Variants in CCDC138 observed in about 807,000 individuals in gnomAD.
CCDC138 encodes the protein coiled-coil domain-containing protein 138.
CCDC138 carries 66 observed loss-of-function variants against 82.3 expected under a neutral mutation model. That is an observed-to-expected ratio of 0.80 (90% CI 0.66 to 0.98). The LOEUF (loss-of-function observed/expected upper bound fraction) is 0.98, where lower values mean the gene tolerates loss of function less well. Among genes scored for constraint, CCDC138 ranks in the 50% least tolerant of loss-of-function variants. The probability of loss-of-function intolerance (pLI) is 0.00; values close to 1 mark genes in which losing one functional copy is unlikely to be tolerated. For missense variants in CCDC138, 816 were observed against 758.9 expected (o/e 1.08, Z -0.88); for synonymous variants, 297 against 265.4 (o/e 1.12, Z -1.16).
chr2:108,788,013 CTTTTCT>C lies in CCDC138; in HGVS notation c.94-14_94-9del. 2 of 1,452,020 alleles carry C rather than the reference CTTTTCT, an allele frequency of 1.4e-6. No individual in the cohort carries two copies. The highest frequency in any genetic ancestry group is 2.4e-5 in the East Asian group (1 of 41,850). 89.9% of individuals were successfully genotyped at this position (1,452,020 alleles called of 1,614,324 possible). A position where few individuals can be genotyped will look rare whatever the true frequency, so the allele number is the denominator to read the frequency against. On this transcript the variant is annotated splice_polypyrimidine_tract_variant and intron_variant, in intron 1 of 14. Coordinates refer to ENST00000295124, the MANE Select transcript of CCDC138 (RefSeq NM_144978.3). ...TTGATTTTTAGTATACAAATTAAAT[CTTTTCT>C]TTTTTTTTTTAGTATGATTTTTCAA...
downstream of CCDC138, among the ~76,000 whole-genome samples, chr2:108,880,198 AAAAAAC>A (rs1696250675): frequency 8.2e-6 from 1 of 122,592 alleles, no homozygotes; most frequent in Non-Finnish European, 1.7e-5. Flanking sequence ...ACTTAAAAAA[AAAAAAC>A]AACAACAAAC....
chr2:108,882,606 G>C (rs1696323493), intron 1 of CCDC138: 1 of 152,230 alleles, frequency 6.6e-6, no homozygotes, highest in Admixed American at 6.6e-5. Flanking sequence ...GTTATTGCAG[G>C]TTAAGCCCCC....
chr2:108,881,867 GGCACGA>G (rs1405156583), intron 1 of CCDC138, among the ~76,000 whole-genome samples: 8 of 152,162 alleles, frequency 5.3e-5, no homozygotes, highest in African/African-American at 1.9e-4. Context: ...TTATTGGCCA[GGCACGA>G]TGGCTCACTC....
intron 10 of CCDC138, among the ~76,000 whole-genome samples, chr2:108,824,336 G>T (rs1379480409): frequency 1.3e-5 from 2 of 151,838 alleles, no homozygotes; most frequent in African/African-American, 2.4e-5. Context: ...TATCCTGTAA[G>T]TTTTTTTCTA....
At chr2:108,794,974 C>T (rs1366303971) in intron 5 of CCDC138, among the ~76,000 whole-genome samples, 1 of 151,898 alleles carries the variant, frequency 6.6e-6, no homozygotes, top group Non-Finnish European at 1.5e-5. Context: ...ATTTGATTTC[C>T]ATCCCATCCT....
intron 10 of CCDC138, among the ~76,000 whole-genome samples, chr2:108,820,948 C>T (rs1398049392): frequency 1.3e-5 from 2 of 151,994 alleles, no homozygotes; most frequent in African/African-American, 2.4e-5. Flanking sequence ...AGTAAGTAGC[C>T]TATATTATTG....
At chr2:108,790,660 C>T (rs1056557027) in intron 3 of CCDC138, among the ~76,000 whole-genome samples, 5 of 152,190 alleles carry the variant, frequency 3.3e-5, no homozygotes, top group African/African-American at 1.2e-4. Context: ...GAGATCGCGC[C>T]ACTGCACTGC....
Position 108,812,866 on chromosome 2 carries a change from A to C in CCDC138, c.980A>C (p.His327Pro). The part of the protein sequence containing the change: ...MTIQRLKGSS[H>P]AVHEMKSLKQ... ...ATACAGAGATTGAAAGGAAGTTCCC[A>C]TGCTGTTCATGAAATGAAAAGTTTA... The change falls in exon 9 of 15, where the codon CAT (histidine) becomes CCT (proline). Residue 327 changes from histidine (H) to proline (P), a missense_variant. By Grantham distance (77) the His-to-Pro change is moderately conservative (BLOSUM62 -2). Transcript: ENST00000295124. The C allele has an allele frequency of 6.2e-7, 1 of 1,613,432 alleles. No individual in the cohort carries two copies. Among genetic ancestry groups the C allele is most frequent in the Non-Finnish European group, 8.5e-7 (1 of 1,179,700 alleles).
intron 10 of CCDC138, among the ~76,000 whole-genome samples, chr2:108,829,735 G>A (rs560997367): frequency 6.6e-6 from 1 of 152,302 alleles, no homozygotes; most frequent in African/African-American, 2.4e-5. Flanking sequence ...GACAAATTGA[G>A]ACTGTGTCAA....
At chr2:108,824,885 C>T (rs1047350884) in intron 10 of CCDC138, among the ~76,000 whole-genome samples, 8 of 152,016 alleles carry the variant, frequency 5.3e-5, no homozygotes, top group African/African-American at 1.9e-4. Flanking sequence ...CTCATGGGAC[C>T]AGCATTGTTA....
chr2:108,795,612 A>T (rs1443362822), intron 5 of CCDC138, among the ~76,000 whole-genome samples: 1 of 152,212 alleles, frequency 6.6e-6, no homozygotes, highest in Non-Finnish European at 1.5e-5. Flanking sequence ...TGTCAAAGTA[A>T]TTCAGATTGT....
At chr2:108,819,293 G>A (rs748620442) in intron 10 of CCDC138, among the ~76,000 whole-genome samples, 7 of 152,138 alleles carry the variant, frequency 4.6e-5, no homozygotes, top group Non-Finnish European at 7.3e-5. Flanking sequence ...CCGGTATAGC[G>A]CAGTGCAACC....
At chr2:108,794,784 C>A in intron 5 of CCDC138, 63 bp downstream of exon 5, 1 of 1,230,780 alleles carries the variant, frequency 8.1e-7, no homozygotes, top group Non-Finnish European at 1.1e-6. Context: ...CAAGCATTTA[C>A]GAAATTTGAA....
intron 10 of CCDC138, among the ~76,000 whole-genome samples, chr2:108,832,481 G>A (rs1007775433): frequency 1.3e-5 from 2 of 151,314 alleles, no homozygotes; most frequent in South Asian, 4.2e-4. Flanking sequence ...CCAAGTAGCT[G>A]GGATTACAGG....
At chr2:108,871,861 A>G (rs1558768833) in intron 13 of CCDC138, among the ~76,000 whole-genome samples, 1 of 152,104 alleles carries the variant, frequency 6.6e-6, no homozygotes, top group Non-Finnish European at 1.5e-5. Context: ...TGTGACTACC[A>G]TTTCCACATT....
At position 108,828,809 on chromosome 2, in the gene CCDC138, T is replaced by A. The variant is rs988758857; in HGVS notation, c.1207-10376T>A. Among the ~76,000 whole-genome samples, 32 of 152,116 alleles carry A rather than the reference T, an allele frequency of 2.1e-4. 1 individual carries two copies. Among genetic ancestry groups the A allele is most frequent in the Non-Finnish European group, 4.4e-5 (3 of 68,022 alleles). On this transcript the variant is annotated intron_variant, in intron 10 of 14. Coordinates refer to ENST00000295124, the MANE Select transcript of CCDC138 (RefSeq NM_144978.3). ...CTGGCCAACATAGTGAAACCCTATC[T>A]GTACTAAAAATACCAAAAATTAGCC...
At chr2:108,850,987 G>T (rs1476811190) in intron 12 of CCDC138, among the ~76,000 whole-genome samples, 4 of 152,168 alleles carry the variant, frequency 2.6e-5, no homozygotes, top group Non-Finnish European at 5.9e-5. Context: ...CTCCAAGGCT[G>T]CCTCGTGCCA....
rs560013628 is a variant in CCDC138 at position 108,794,578 on chromosome 2, A to G, written c.433A>G (p.Thr145Ala). 6.2e-7 allele frequency: 1 copy of G among 1,613,748 alleles called. No individual in the cohort carries two copies. Among genetic ancestry groups the G allele is most frequent in the Admixed American group, 1.7e-5 (1 of 59,920 alleles). ...PTNTTSSRPR[T>A]ECCSDAGDSP... ...TAATACGACCTCATCGAGACCTCGG[A>G]CTGAGTGTTGTAGTGATGCAGGTGA... The change falls in exon 5 of 15, where the codon ACT becomes GCT. Residue 145 changes from threonine to alanine, a missense_variant. Physicochemically the swap from Thr to Ala is moderately conservative, Grantham distance 58. Transcript: ENST00000295124.
chr2:108,788,916 G>A lies in CCDC138; in HGVS notation c.216G>A (p.Lys72=), dbSNP rs923423074. ...CGTTAAAATATTCTGATGAAAGCAA[G>A]CATTGTAGAACACCATTGGGCAGCT... ...GSSLKYSDES[K]HCRTPLGSLF... is the part of the protein sequence containing the mutation. Residue 72 remains lysine (K), a synonymous_variant, in exon 3 of 15, where the codon AAG becomes AAA. Transcript: ENST00000295124. The A allele has an allele frequency of 2.5e-6, 4 of 1,614,126 alleles. No homozygotes were observed. Among genetic ancestry groups the A allele is most frequent in the Admixed American group, 1.7e-5 (1 of 60,018 alleles).
Sources: gnomAD v4.1 joint callset for allele counts (sites outside exome capture counted in the v4.1 genomes callset) on GRCh38, gnomAD v4.1.1 for gene constraint, MANE v1.5 for transcripts, NCBI Gene and HGNC (gene_info 2026-07-23, HGNC 2026-07-21) for gene names.